The following GALNT11 variants were observed in gnomAD, a reference collection of about 807,000 sequenced individuals.
The protein encoded by GALNT11 is UDP-GalNAc:polypeptide N-acetylgalactosaminyltransferase 11.
GALNT11 carries 47 observed loss-of-function variants against 72.7 expected under a neutral mutation model. The observed-to-expected ratio is 0.65, with a 90% confidence interval of 0.51 to 0.82. The LOEUF is 0.82. Ranked by LOEUF, GALNT11 falls within the 40% of genes least tolerant of loss-of-function variation. GALNT11 has a pLI of 0.00. For synonymous variants in GALNT11, 270 were observed against 286.6 expected (o/e 0.94, Z 0.58); for missense variants, 677 against 778.4 (o/e 0.87, Z 1.55).
intron 1 of GALNT11, among the ~76,000 whole-genome samples, chr7:152,051,434 C>T (rs967375377): frequency 6.6e-6 from 1 of 151,832 alleles, no homozygotes; most frequent in Admixed American, 6.6e-5. Context: ...GTAGACTTTA[C>T]CTCTTGAGGG....
intron 1 of GALNT11, among the ~76,000 whole-genome samples, chr7:152,035,435 G>A (rs1352392269): frequency 6.6e-6 from 1 of 152,230 alleles, no homozygotes; most frequent in African/African-American, 2.4e-5. Flanking sequence ...GGTCAGGATA[G>A]GTAGGATAGA....
chr7:152,025,916 G>C, intron 1 of GALNT11, 32 bp downstream of exon 1: 1 of 198,904 alleles, frequency 5.0e-6, no homozygotes, highest in Non-Finnish European at 1.1e-5. Flanking sequence ...GCCTCCCGGC[G>C]TCCCTCAGCA....
intron 1 of GALNT11, among the ~76,000 whole-genome samples, chr7:152,038,743 T>C (rs1001563669): frequency 6.6e-6 from 1 of 152,234 alleles, no homozygotes; most frequent in Non-Finnish European, 1.5e-5. Flanking sequence ...GGACGATCAT[T>C]GTTGAAATCA....
intron 1 of GALNT11, among the ~76,000 whole-genome samples, chr7:152,064,551 A>G (rs990035978): frequency 6.6e-6 from 1 of 152,118 alleles, no homozygotes; most frequent in Non-Finnish European, 1.5e-5. Context: ...CCTAGCATTG[A>G]TGGTCTTTAC....
chr7:152,032,722 G>A (rs1207881039), intron 1 of GALNT11, among the ~76,000 whole-genome samples: 1 of 152,172 alleles, frequency 6.6e-6, no homozygotes, highest in African/African-American at 2.4e-5. Flanking sequence ...CCAATGCCCA[G>A]ACTTCAAGGT....
intron 1 of GALNT11, among the ~76,000 whole-genome samples, chr7:152,043,940 A>C (rs2082995104): frequency 2.0e-5 from 3 of 152,170 alleles, no homozygotes; most frequent in African/African-American, 7.2e-5. Context: ...TACCACAGGG[A>C]CTGCTTAAGA....
chr7:152,101,173 A>G (rs60630320), intron 3 of GALNT11, among the ~76,000 whole-genome samples: 1,988 of 152,268 alleles, frequency 0.013, 42 homozygotes, highest in African/African-American at 0.045. Context: ...GTAGGGTGCT[A>G]ATTAAATAAC....
At chr7:152,055,194 T>C (rs1367997046) in intron 1 of GALNT11, among the ~76,000 whole-genome samples, 2 of 152,200 alleles carry the variant, frequency 1.3e-5, no homozygotes, top group African/African-American at 2.4e-5. Context: ...AGACTCTATC[T>C]GTAAATACAG....
intron 11 of GALNT11, 88 bp from the exon 12 acceptor site, chr7:152,121,458 C>G: frequency 6.7e-7 from 1 of 1,501,636 alleles, no homozygotes; most frequent in Non-Finnish European, 9.0e-7. Flanking sequence ...ATCCCTTAAT[C>G]TGAATTCTTA....
At position 152,052,998 on chromosome 7, in the gene GALNT11, G is replaced by A. The variant is rs1218129423; in HGVS notation, c.-39+27114G>A. Among the ~76,000 whole-genome samples, 3 of 152,280 alleles carry A rather than the reference G, an allele frequency of 2.0e-5. No individual in the cohort carries two copies. In the East Asian group the frequency reaches 5.8e-4, roughly 29 times the overall value. On this transcript the variant is annotated intron_variant, in intron 1 of 11. Transcript: ENST00000430044. The stretch of plus-strand genomic sequence containing the variant: ...TTGGGGGCCCATGCCCTGTAAAGTT[G>A]ACGAGTGCGGGCAGTTCTCCTGCTG...
At chr7:152,091,376 A>G (rs922124818) in intron 1 of GALNT11, among the ~76,000 whole-genome samples, 21 of 151,628 alleles carry the variant, frequency 1.4e-4, no homozygotes, top group African/African-American at 4.8e-4. Context: ...GAGTAGCTGG[A>G]ATTACAGGTG....
intron 1 of GALNT11, among the ~76,000 whole-genome samples, chr7:152,082,840 T>C (rs2085398537): frequency 6.6e-6 from 1 of 152,228 alleles, no homozygotes; most frequent in African/African-American, 2.4e-5. Context: ...TTCAGTTTGA[T>C]CGGGTGGGAA....
chr7:152,048,484 C>A (rs2083248578), intron 1 of GALNT11, among the ~76,000 whole-genome samples: 1 of 151,882 alleles, frequency 6.6e-6, no homozygotes, highest in Non-Finnish European at 1.5e-5. Flanking sequence ...TTTTCTACCC[C>A]CACTGTCTGT....
intron 1 of GALNT11, among the ~76,000 whole-genome samples, chr7:152,038,203 A>G (rs986477489): frequency 5.3e-5 from 8 of 152,204 alleles, no homozygotes; most frequent in Non-Finnish European, 1.0e-4. Flanking sequence ...ACAGAAATAT[A>G]GAGTGTGGAA....
At chr7:152,118,233 C>G (rs1432391130) in intron 9 of GALNT11, 1 of 177,048 alleles carries the variant, frequency 5.6e-6, no homozygotes, top group Non-Finnish European at 1.2e-5. Context: ...TTATTTCTTG[C>G]TGTTTGTCTC....
At chr7:152,059,922 C>T (rs555134077) in intron 1 of GALNT11, among the ~76,000 whole-genome samples, 55 of 152,304 alleles carry the variant, frequency 3.6e-4, no homozygotes, top group African/African-American at 1.1e-3. Context: ...ATTTGGAAGC[C>T]GGACATTGAT....
In GALNT11 at chr7:152,122,007, G is replaced by T; in HGVS notation, c.*330G>T. On this transcript the variant is annotated 3_prime_UTR_variant, in exon 12 of 12. Coordinates refer to ENST00000430044, the MANE Select transcript of GALNT11 (RefSeq NM_022087.4). ...CAGTATCATTTTAACTCTAGAATTG[G>T]GCTTGTACAGAAGGATAAAACCCAG... 4.7e-6 allele frequency: 1 copy of T among 211,626 alleles called. No homozygotes were observed. Among genetic ancestry groups the T allele is most frequent in the Admixed American group, 5.3e-5 (1 of 18,838 alleles). The allele number at this position is 211,626 out of a possible 1,614,324, so 13.1% of individuals were successfully genotyped here.
intron 1 of GALNT11, among the ~76,000 whole-genome samples, chr7:152,051,150 T>C (rs1351806817): frequency 6.6e-6 from 1 of 151,436 alleles, no homozygotes; most frequent in Non-Finnish European, 1.5e-5. Context: ...GGTGGAGGCT[T>C]CCATTTGGCC....
At chr7:152,080,730 G>T (rs761404286) in intron 1 of GALNT11, among the ~76,000 whole-genome samples, 10 of 152,056 alleles carry the variant, frequency 6.6e-5, no homozygotes, top group Non-Finnish European at 1.3e-4. Context: ...GGGAGGCCTG[G>T]GCAGGAGGAT....
Sources: gnomAD v4.1 joint callset for allele counts (sites outside exome capture counted in the v4.1 genomes callset) on GRCh38, gnomAD v4.1.1 for gene constraint, MANE v1.5 for transcripts, NCBI Gene and HGNC (gene_info 2026-07-23, HGNC 2026-07-21) for gene names.